The following LRRC4C variants were observed in gnomAD, a reference collection of about 807,000 sequenced individuals.
The protein encoded by LRRC4C is leucine-rich repeat-containing protein 4C.
LRRC4C carries 5 observed loss-of-function variants against 33.6 expected under a neutral mutation model. The ratio of observed to expected loss-of-function variants is 0.15; its 90% CI spans 0.08 to 0.31. The LOEUF is 0.31. Among genes scored for constraint, LRRC4C ranks in the 10% least tolerant of loss-of-function variants. The pLI is 1.00. For synonymous variants in LRRC4C, 329 were observed against 302.0 expected (o/e 1.09, Z -0.93); for missense variants, 560 against 796.7 (o/e 0.70, Z 3.58).
chr11:40,815,837 C>T (rs945761518), intron 2 of LRRC4C, among the ~76,000 whole-genome samples: 8 of 152,174 alleles, frequency 5.3e-5, no homozygotes, highest in Admixed American at 2.0e-4. Context: ...ACACTTTTAC[C>T]AGTGCTATAT....
intron 2 of LRRC4C, among the ~76,000 whole-genome samples, chr11:40,870,850 A>G (rs569880804): frequency 2.0e-5 from 3 of 152,326 alleles, no homozygotes; most frequent in Admixed American, 6.5e-5. Context: ...TCAGGGAACA[A>G]GAGAGATAAC....
At chr11:40,258,755 T>C (rs1208329816) in intron 4 of LRRC4C, among the ~76,000 whole-genome samples, 1 of 152,202 alleles carries the variant, frequency 6.6e-6, no homozygotes, top group Non-Finnish European at 1.5e-5. Context: ...AAATATACTT[T>C]ACTTAAAACC....
chr11:40,860,886 G>A (rs1954062430), intron 2 of LRRC4C, among the ~76,000 whole-genome samples: 1 of 127,820 alleles, frequency 7.8e-6, no homozygotes, highest in Non-Finnish European at 1.6e-5. Flanking sequence ...ATTTTGATAT[G>A]ATGAAAATAT....
intron 1 of LRRC4C, among the ~76,000 whole-genome samples, chr11:41,297,070 G>C (rs906683753): frequency 6.6e-6 from 1 of 152,046 alleles, no homozygotes; most frequent in Admixed American, 6.5e-5. Context: ...ATATCAAAAC[G>C]GTTGAGAGAT....
chr11:41,417,166 C>A (rs781125764), intron 1 of LRRC4C, among the ~76,000 whole-genome samples: 1 of 151,940 alleles, frequency 6.6e-6, no homozygotes, highest in African/African-American at 2.4e-5. Flanking sequence ...ACTGTTACTG[C>A]GATGCTAGCA....
At chr11:41,397,753 G>A (rs910385799) in intron 1 of LRRC4C, among the ~76,000 whole-genome samples, 1 of 151,322 alleles carries the variant, frequency 6.6e-6, no homozygotes, top group Non-Finnish European at 1.5e-5. Flanking sequence ...GTTTTCTAGG[G>A]CTCTTATAAA....
At chr11:40,718,853 G>A (rs914242910) in intron 2 of LRRC4C, among the ~76,000 whole-genome samples, 9 of 152,038 alleles carry the variant, frequency 5.9e-5, no homozygotes, top group African/African-American at 2.2e-4. Flanking sequence ...ACTGGAGACA[G>A]ATAAAGAATA....
chr11:40,944,224 A>G (rs900833636), intron 1 of LRRC4C, among the ~76,000 whole-genome samples: 1 of 152,160 alleles, frequency 6.6e-6, no homozygotes, highest in Non-Finnish European at 1.5e-5. Flanking sequence ...TATTTGCATT[A>G]AAAAAACCCA....
At chr11:40,348,779 T>C (rs1442460720) in intron 3 of LRRC4C, among the ~76,000 whole-genome samples, 1 of 152,158 alleles carries the variant, frequency 6.6e-6, no homozygotes, top group Non-Finnish European at 1.5e-5. Flanking sequence ...ATACAACACA[T>C]AAAGACCTAG....
At chr11:40,452,304 A>C (rs1415875311) in intron 3 of LRRC4C, among the ~76,000 whole-genome samples, 1 of 152,220 alleles carries the variant, frequency 6.6e-6, no homozygotes, top group Non-Finnish European at 1.5e-5. Flanking sequence ...TAATATCCAG[A>C]ATCTACAAAG....
chr11:41,446,663 A>G (rs1955837055), intron 1 of LRRC4C, among the ~76,000 whole-genome samples: 1 of 152,144 alleles, frequency 6.6e-6, no homozygotes, highest in Admixed American at 6.5e-5. Flanking sequence ...TTTCTTCCAC[A>G]TTCCATCAAA....
intron 1 of LRRC4C, among the ~76,000 whole-genome samples, chr11:41,117,263 G>A (rs1942181325): frequency 6.6e-6 from 1 of 152,144 alleles, no homozygotes; most frequent in African/African-American, 2.4e-5. Flanking sequence ...GCAGCACTGA[G>A]AACTAAATAA....
At chr11:40,501,852 T>C (rs1954790900) in intron 3 of LRRC4C, among the ~76,000 whole-genome samples, 2 of 152,208 alleles carry the variant, frequency 1.3e-5, no homozygotes, top group Admixed American at 1.3e-4. Flanking sequence ...GAATTTCTCC[T>C]TGGAAAATAG....
At chr11:40,690,726 G>T (rs568038224) in intron 2 of LRRC4C, among the ~76,000 whole-genome samples, 1 of 152,054 alleles carries the variant, frequency 6.6e-6, no homozygotes, top group South Asian at 2.1e-4. Context: ...CTGTACCAAA[G>T]GCTTATAAAA....
At chr11:41,029,067 CA>C (rs1285087257) in intron 1 of LRRC4C, among the ~76,000 whole-genome samples, 2 of 151,628 alleles carry the variant, frequency 1.3e-5, no homozygotes, top group Non-Finnish European at 3.0e-5. Flanking sequence ...TTGTTTTATC[CA>C]AAAGAGATTT....
chr11:41,448,062 A>G (rs539770425), intron 1 of LRRC4C, among the ~76,000 whole-genome samples: 1 of 141,256 alleles, frequency 7.1e-6, no homozygotes, highest in African/African-American at 2.6e-5. Flanking sequence ...TCATTAGTGT[A>G]ATTTAGTAAG....
chr11:41,079,495 T>C (rs1228697825), intron 1 of LRRC4C, among the ~76,000 whole-genome samples: 2 of 152,190 alleles, frequency 1.3e-5, no homozygotes, highest in Non-Finnish European at 2.9e-5. Flanking sequence ...GCTATACAAA[T>C]GCCTTATGTG....
At chr11:41,161,589 C>T (rs1012167212) in intron 1 of LRRC4C, among the ~76,000 whole-genome samples, 1 of 152,140 alleles carries the variant, frequency 6.6e-6, no homozygotes, top group African/African-American at 2.4e-5. Flanking sequence ...ATGTCATGGA[C>T]ACTTAGGGTC....
At chr11:41,054,718 G>A (rs1164894922) in intron 1 of LRRC4C, among the ~76,000 whole-genome samples, 1 of 152,184 alleles carries the variant, frequency 6.6e-6, no homozygotes, top group East Asian at 1.9e-4. Flanking sequence ...TTTTGTGCCA[G>A]GCACTGTGCT....
Sources: gnomAD v4.1 joint callset for allele counts (sites outside exome capture counted in the v4.1 genomes callset) on GRCh38, gnomAD v4.1.1 for gene constraint, MANE v1.5 for transcripts, NCBI Gene and HGNC (gene_info 2026-07-23, HGNC 2026-07-21) for gene names.